Variants in FARS2 observed in about 807,000 individuals in gnomAD.
The protein encoded by FARS2 is phenylalanine--tRNA ligase, mitochondrial.
A neutral mutation model predicts 46.4 loss-of-function variants in FARS2; 40 were observed. The observed-to-expected ratio is 0.86, with a 90% CI of 0.67 to 1.12. The LOEUF is 1.12. Among genes scored for constraint, FARS2 ranks in the 50% most tolerant of loss-of-function variants. The pLI is 0.00. For missense variants in FARS2, 513 were observed against 567.9 expected, an observed-to-expected ratio of 0.90 and a Z score of 0.98; for synonymous variants, 234 against 214.9, an observed-to-expected ratio of 1.09 and a Z score of -0.78.
At chr6:5,529,994 G>A (rs1349670342) in intron 4 of FARS2, among the ~76,000 whole-genome samples, 1 of 152,234 alleles carries the variant, frequency 6.6e-6, no homozygotes, top group Non-Finnish European at 1.5e-5. Context: ...AGTAAACCCA[G>A]CTGAGAGCTG....
At chr6:5,649,359 T>C (rs1174637191) in intron 6 of FARS2, among the ~76,000 whole-genome samples, 1 of 152,250 alleles carries the variant, frequency 6.6e-6, no homozygotes, top group Non-Finnish European at 1.5e-5. Context: ...CACTTCACTC[T>C]TTTAAACTTT....
intron 5 of FARS2, among the ~76,000 whole-genome samples, chr6:5,607,361 C>T (rs922383916): frequency 1.3e-5 from 2 of 150,578 alleles, no homozygotes; most frequent in African/African-American, 4.9e-5. Flanking sequence ...ACAATTTACT[C>T]CTTACACCAG....
At chr6:5,561,350 C>A (rs184951564) in intron 5 of FARS2, among the ~76,000 whole-genome samples, 5 of 151,884 alleles carry the variant, frequency 3.3e-5, no homozygotes, top group Admixed American at 3.3e-4. Flanking sequence ...GTATTTGTTT[C>A]TGTGAGGGGT....
chr6:5,448,461 C>T (rs1048618165), intron 4 of FARS2, among the ~76,000 whole-genome samples: 3 of 109,380 alleles, frequency 2.7e-5, no homozygotes, highest in Non-Finnish European at 5.6e-5. Flanking sequence ...AAGCAGCACA[C>T]ATTTTTTCTG....
At chr6:5,499,155 G>A (rs1436704539) in intron 4 of FARS2, among the ~76,000 whole-genome samples, 71 of 152,300 alleles carry the variant, frequency 4.7e-4, no homozygotes, top group Non-Finnish European at 1.0e-4. Flanking sequence ...AATCTTGGGC[G>A]AGGCGTGTAT....
In FARS2 at chr6:5,721,987, T is replaced by A. The variant is rs374189360; in HGVS notation, c.1218-49304T>A. Among the ~76,000 whole-genome samples the A allele has an allele frequency of 2.6e-4, 39 of 152,336 alleles. No homozygotes were observed. In the South Asian group the frequency reaches 8.1e-3, roughly 32 times the overall value. Reference sequence around the variant, plus strand: ...TCACACAGAATATAAAAAAGGCATATCAAGGGTTGAAACTTAATAAAGGTA... The same window carrying A: ...TCACACAGAATATAAAAAAGGCATAACAAGGGTTGAAACTTAATAAAGGTA... On this transcript the variant is annotated intron_variant, in intron 6 of 6. Coordinates refer to ENST00000274680, the MANE Select transcript of FARS2 (RefSeq NM_006567.5).
At chr6:5,691,617 G>T (rs944386981) in intron 6 of FARS2, among the ~76,000 whole-genome samples, 3 of 152,222 alleles carry the variant, frequency 2.0e-5, no homozygotes, top group East Asian at 3.9e-4. Context: ...ATGCCTCCCA[G>T]TTAGGCTACT....
chr6:5,357,322 A>G (rs1757996718), intron 1 of FARS2, among the ~76,000 whole-genome samples: 1 of 152,204 alleles, frequency 6.6e-6, no homozygotes, highest in South Asian at 2.1e-4. Flanking sequence ...GGTTTACTCC[A>G]TTTGATTTGG....
intron 5 of FARS2, among the ~76,000 whole-genome samples, chr6:5,612,731 A>G (rs1775257070): frequency 6.6e-6 from 1 of 152,220 alleles, no homozygotes; most frequent in Non-Finnish European, 1.5e-5. Flanking sequence ...CTAACAAATA[A>G]TGACATTACT....
At chr6:5,361,842 A>G (rs1758324065) in intron 1 of FARS2, among the ~76,000 whole-genome samples, 2 of 152,302 alleles carry the variant, frequency 1.3e-5, no homozygotes, top group African/African-American at 4.8e-5. Flanking sequence ...TGCTTTAGGG[A>G]AATGATCAGT....
At chr6:5,730,776 C>T (rs1381588131) in intron 6 of FARS2, among the ~76,000 whole-genome samples, 1 of 152,296 alleles carries the variant, frequency 6.6e-6, no homozygotes, top group African/African-American at 2.4e-5. Context: ...ATCTTACCTC[C>T]CCTAACCACT....
intron 6 of FARS2, among the ~76,000 whole-genome samples, chr6:5,716,145 C>T (rs748381836): frequency 1.4e-4 from 21 of 152,118 alleles, no homozygotes; most frequent in Admixed American, 5.2e-4. Flanking sequence ...TCTATAAATA[C>T]TCATATAGTA....
intron 2 of FARS2, among the ~76,000 whole-genome samples, chr6:5,378,384 C>T (rs1421870131): frequency 2.0e-5 from 3 of 152,180 alleles, no homozygotes; most frequent in Non-Finnish European, 4.4e-5. Flanking sequence ...CTTTGTGGTT[C>T]ATCCTTGTCA....
At chr6:5,264,594 A>G (rs1483627146) in intron 1 of FARS2, among the ~76,000 whole-genome samples, 4 of 150,476 alleles carry the variant, frequency 2.7e-5, no homozygotes, top group African/African-American at 7.3e-5. Context: ...TTTAGTAGAG[A>G]TGGAGTTTCA....
chr6:5,465,860 C>A (rs1006027242), intron 4 of FARS2, among the ~76,000 whole-genome samples: 1 of 151,560 alleles, frequency 6.6e-6, no homozygotes, highest in African/African-American at 2.4e-5. Flanking sequence ...CATAGCCATA[C>A]TTTTTTTGAA....
At chr6:5,347,102 T>G (rs1162908111) in intron 1 of FARS2, among the ~76,000 whole-genome samples, 1 of 152,042 alleles carries the variant, frequency 6.6e-6, no homozygotes, top group Non-Finnish European at 1.5e-5. Context: ...TTAGTAGAGA[T>G]GAGGTTTTGC....
intron 4 of FARS2, among the ~76,000 whole-genome samples, chr6:5,525,304 G>A (rs1453747826): frequency 6.6e-6 from 1 of 151,818 alleles, no homozygotes; most frequent in African/African-American, 2.4e-5. Flanking sequence ...TTCCATCCCT[G>A]GCTTTCCTGC....
intron 5 of FARS2, among the ~76,000 whole-genome samples, chr6:5,604,376 T>TC (rs11462553): frequency 0.011 from 1,715 of 151,986 alleles, 24 homozygotes; most frequent in Middle Eastern, 0.02. Context: ...CAGGTCAGTT[T>TC]CCCCCCCAGA....
intron 1 of FARS2, among the ~76,000 whole-genome samples, chr6:5,334,772 C>T (rs1236059128): frequency 1.3e-5 from 2 of 151,924 alleles, no homozygotes; most frequent in Non-Finnish European, 2.9e-5. Context: ...GTAATATTTC[C>T]CCATTTGTCT....
Sources: allele counts gnomAD v4.1 joint callset (sites outside exome capture counted in the v4.1 genomes callset), GRCh38; gene constraint gnomAD v4.1.1; transcripts MANE v1.5; gene names NCBI Gene and HGNC (gene_info 2026-07-23, HGNC 2026-07-21).